The following ERBB4 variants were observed in gnomAD, a reference collection of about 807,000 sequenced individuals.
The protein encoded by ERBB4 is receptor tyrosine-protein kinase erbB-4.
ERBB4 carries 42 observed loss-of-function variants against 158.0 expected under a neutral mutation model. That is an observed-to-expected ratio of 0.27 (90% CI 0.21 to 0.34). The LOEUF (loss-of-function observed/expected upper bound fraction) is 0.34. Among genes scored for constraint, ERBB4 ranks in the 10% least tolerant of loss-of-function variants. ERBB4 has a pLI of 1.00. For synonymous variants in ERBB4, 583 were observed against 558.7 expected (o/e 1.04, Z -0.61); for missense variants, 1,333 against 1,624.1 (o/e 0.82, Z 3.08).
chr2:211,440,401 C>T (rs1036297153), intron 20 of ERBB4, among the ~76,000 whole-genome samples: 2 of 87,196 alleles, frequency 2.3e-5, no homozygotes, highest in Admixed American at 2.1e-4. Context: ...AGTGTGCAAC[C>T]TATTAATACA....
chr2:211,965,020 T>C (rs2081273772), intron 2 of ERBB4, among the ~76,000 whole-genome samples: 1 of 152,204 alleles, frequency 6.6e-6, no homozygotes, highest in African/African-American at 2.4e-5. Context: ...TATAGGACAG[T>C]TCCTCCACAC....
intron 3 of ERBB4, among the ~76,000 whole-genome samples, chr2:211,842,614 T>A (rs2077497978): frequency 6.6e-6 from 1 of 152,066 alleles, no homozygotes; most frequent in African/African-American, 2.4e-5. Context: ...CATTAAACCC[T>A]GCCTAAACAT....
At chr2:211,417,049 T>G (rs1360239178) in intron 25 of ERBB4, among the ~76,000 whole-genome samples, 1 of 152,200 alleles carries the variant, frequency 6.6e-6, no homozygotes, top group African/African-American at 2.4e-5. Flanking sequence ...CTTCATAATA[T>G]TCCGTGAGAA....
chr2:212,516,166 A>G lies in ERBB4; in HGVS notation c.82+22283T>C, dbSNP rs1008064151. On this transcript the variant is annotated intron_variant, in intron 1 of 27. Coordinates refer to ENST00000342788, the MANE Select transcript of ERBB4 (RefSeq NM_005235.3). The stretch of plus-strand genomic sequence containing the variant: ...CACATACACTCATGTGCACATCAAG[A>G]AAGTATTTACAAACATGTGCAAAAT... Among the ~76,000 whole-genome samples the G allele has an allele frequency of 4.6e-5, 7 of 152,120 alleles. No individual in the cohort carries two copies. The South Asian group carries it at 1.4e-3, about 32-fold the overall frequency.
intron 25 of ERBB4, among the ~76,000 whole-genome samples, chr2:211,394,412 T>C (rs1461246385): frequency 6.6e-6 from 1 of 152,108 alleles, no homozygotes; most frequent in African/African-American, 2.4e-5. Context: ...TTTGGCATGT[T>C]TATATTCATT....
intron 16 of ERBB4, among the ~76,000 whole-genome samples, chr2:211,639,041 G>T (rs1474122611): frequency 6.6e-6 from 1 of 152,038 alleles, no homozygotes; most frequent in Admixed American, 6.6e-5. Context: ...AACGAATTAC[G>T]CCAGGAAGAA....
chr2:211,484,094 C>CTGCTTAAAGTAGAA, intron 20 of ERBB4, among the ~76,000 whole-genome samples: 1 of 152,106 alleles, frequency 6.6e-6, no homozygotes, highest in East Asian at 1.9e-4. Flanking sequence ...GTAGAAATAC[C>CTGCTTAAAGTAGAA]ACTTAAAGAT....
At chr2:211,920,207 T>C (rs927682656) in intron 3 of ERBB4, among the ~76,000 whole-genome samples, 35 of 151,974 alleles carry the variant, frequency 2.3e-4, no homozygotes, top group African/African-American at 8.2e-4. Flanking sequence ...AATATGTCCA[T>C]CTCTGAAACA....
At chr2:211,423,996 T>G (rs1041003802) in intron 23 of ERBB4, among the ~76,000 whole-genome samples, 159 bp downstream of exon 23, 3 of 152,020 alleles carry the variant, frequency 2.0e-5, no homozygotes. Context: ...TACTTTATAT[T>G]AATAATAGTC....
At chr2:211,532,107 A>G (rs1045614916) in intron 20 of ERBB4, among the ~76,000 whole-genome samples, 4 of 151,868 alleles carry the variant, frequency 2.6e-5, no homozygotes, top group Non-Finnish European at 5.9e-5. Flanking sequence ...GAACTCAAGG[A>G]GTTAGAGAGT....
At chr2:212,001,390 T>G (rs2076100306) in intron 2 of ERBB4, among the ~76,000 whole-genome samples, 1 of 152,182 alleles carries the variant, frequency 6.6e-6, no homozygotes, top group Non-Finnish European at 1.5e-5. Flanking sequence ...TTTCTTCCTT[T>G]GAGTCTATTG....
At chr2:212,177,339 A>G (rs1329187495) in intron 1 of ERBB4, among the ~76,000 whole-genome samples, 2 of 151,948 alleles carry the variant, frequency 1.3e-5, no homozygotes, top group Non-Finnish European at 2.9e-5. Flanking sequence ...AAACCCACTA[A>G]GAACTATGCA....
At chr2:211,459,222 T>G (rs1478946593) in intron 20 of ERBB4, among the ~76,000 whole-genome samples, 1 of 152,212 alleles carries the variant, frequency 6.6e-6, no homozygotes, top group Non-Finnish European at 1.5e-5. Flanking sequence ...TTTATGTAAT[T>G]TATAATCAAT....
At chr2:212,076,301 T>C (rs931914926) in intron 2 of ERBB4, among the ~76,000 whole-genome samples, 1 of 151,922 alleles carries the variant, frequency 6.6e-6, no homozygotes, top group African/African-American at 2.4e-5. Context: ...ACAATTATCT[T>C]CCATGTAAAG....
At chr2:211,675,080 T>C (rs1190889894) in intron 13 of ERBB4, among the ~76,000 whole-genome samples, 1 of 152,200 alleles carries the variant, frequency 6.6e-6, no homozygotes, top group Non-Finnish European at 1.5e-5. Context: ...CTGCCCTTTA[T>C]TGTGACTTTC....
At chr2:212,437,380 G>C (rs1006995166) in intron 1 of ERBB4, among the ~76,000 whole-genome samples, 1 of 151,670 alleles carries the variant, frequency 6.6e-6, no homozygotes, top group Non-Finnish European at 1.5e-5. Flanking sequence ...AAATCAGATG[G>C]CTTATGTAGC....
At chr2:211,649,706 C>T (rs2070912003) in intron 16 of ERBB4, among the ~76,000 whole-genome samples, 1 of 151,812 alleles carries the variant, frequency 6.6e-6, no homozygotes, top group South Asian at 2.1e-4. Context: ...GCATATGGAA[C>T]ACTTTACTCT....
At chr2:212,198,848 G>C (rs183067425) in intron 1 of ERBB4, among the ~76,000 whole-genome samples, 1 of 150,132 alleles carries the variant, frequency 6.7e-6, no homozygotes, top group African/African-American at 2.5e-5. Flanking sequence ...CCTCCCAAAG[G>C]CTGGGATTAC....
Position 211,681,213 on chromosome 2 carries a change from T to C in ERBB4, c.1490-2029A>G, listed in dbSNP as rs552917388. Among the ~76,000 whole-genome samples the C allele has an allele frequency of 5.9e-5, 9 of 152,344 alleles. No homozygotes were observed. In the South Asian group the frequency reaches 1.9e-3, roughly 32 times the overall value. ...GTTTATTCACTTTTATTACTGAGTA[T>C]ATTCTATTGTATGGATATATGAAAT... is the stretch of plus-strand genomic sequence containing the variant. On this transcript the variant is annotated intron_variant, in intron 12 of 27. Coordinates refer to ENST00000342788, the MANE Select transcript of ERBB4 (RefSeq NM_005235.3).
Sources: gnomAD v4.1 joint callset for allele counts (sites outside exome capture counted in the v4.1 genomes callset) on GRCh38, gnomAD v4.1.1 for gene constraint, MANE v1.5 for transcripts, NCBI Gene and HGNC (gene_info 2026-07-23, HGNC 2026-07-21) for gene names.